The following NTRK1 variants were observed in gnomAD, a reference collection of about 807,000 sequenced individuals.
NTRK1 encodes high affinity nerve growth factor receptor.
Under a neutral mutation model 86.8 loss-of-function variants are expected in NTRK1, and 62 were observed. That is an observed-to-expected ratio of 0.71 (90% CI 0.58 to 0.88). The LOEUF (loss-of-function observed/expected upper bound fraction) is 0.88. NTRK1 is among the 40% of genes least tolerant of loss of function. The pLI, the probability that NTRK1 is intolerant of heterozygous loss-of-function variation, is 0.00. For missense variants in NTRK1, 967 were observed against 1,078.4 expected, an observed-to-expected ratio of 0.90 and a Z score of 1.45; for synonymous variants, 469 against 456.6, an observed-to-expected ratio of 1.03 and a Z score of -0.35.
chr1:156,865,383 T>C (rs189674089), intron 3 of NTRK1, among the ~76,000 whole-genome samples: 1 of 152,228 alleles, frequency 6.6e-6, no homozygotes, highest in East Asian at 1.9e-4. Context: ...AGGCATTAGT[T>C]AGATTCTCAA....
intron 1 of NTRK1, chr1:156,840,801 G>A: frequency 8.5e-7 from 1 of 1,175,464 alleles, no homozygotes. Flanking sequence ...TGAACATTCA[G>A]GCGTCTCAGC....
chr1:156,879,327 A>C lies in NTRK1; in HGVS notation c.2011A>C (p.Met671Leu), dbSNP rs376816422. The C allele has an allele frequency of 1.2e-5, 19 of 1,610,838 alleles. No individual in the cohort carries two copies. Among genetic ancestry groups the C allele is most frequent in the Admixed American group, 1.7e-5 (1 of 59,998 alleles). Reference protein sequence around the residue: ...GLVVKIGDFGMSRDIYSTDYY... With the variant: ...GLVVKIGDFGLSRDIYSTDYY... The stretch of plus-strand genomic sequence containing the variant: ...GGTGGTCAAGATTGGTGATTTTGGC[A>C]TGAGCAGGGATATCTACAGCACCGA... The change falls in exon 15 of 17, where the codon ATG (methionine) becomes CTG (leucine). Residue 671 changes from methionine (M) to leucine (L), a missense_variant. Coordinates refer to ENST00000524377, the MANE Select transcript of NTRK1 (RefSeq NM_002529.4).
chr1:156,862,853 G>A (rs1446249565), intron 1 of NTRK1, among the ~76,000 whole-genome samples: 4 of 152,092 alleles, frequency 2.6e-5, no homozygotes, highest in Non-Finnish European at 5.9e-5. Context: ...CTCCCTCGGA[G>A]TCAGTGGAGG....
At chr1:156,843,264 G>T in intron 2 of NTRK1, 1 of 1,603,626 alleles carries the variant, frequency 6.2e-7, no homozygotes, top group Non-Finnish European at 8.5e-7. Context: ...ACAAAGCGAG[G>T]ATGCTGCTCT....
At chr1:156,836,442 C>T (rs1292642679) in intron 1 of NTRK1, among the ~76,000 whole-genome samples, 2 of 152,184 alleles carry the variant, frequency 1.3e-5, no homozygotes, top group African/African-American at 2.4e-5. Flanking sequence ...TCTTGTCCTC[C>T]CTCTGACATC....
chr1:156,824,096 T>C (rs1256619271), intron 1 of NTRK1, among the ~76,000 whole-genome samples: 1 of 152,240 alleles, frequency 6.6e-6, no homozygotes, highest in African/African-American at 2.4e-5. Flanking sequence ...TGGACTTTCT[T>C]TTCTCCAGTC....
Position 156,854,735 on chromosome 1 carries a change from T to C in NTRK1, c.51-9619T>C, listed in dbSNP as rs769255777. ...GTCAACACCTTCACAGCTTCCACCA[T>C]CATCTTCCCCTGGATTGACAGTCAT... is the stretch of plus-strand genomic sequence containing the variant. On this transcript the variant is annotated intron_variant, in intron 2 of 16. Coordinates refer to the NTRK1 transcript ENST00000392302. This position sits in a 1 kb window ranked among gnomAD's most constrained non-coding sequence, Gnocchi z 4.2. Among the ~76,000 whole-genome samples the C allele has an allele frequency of 6.6e-6, 1 of 152,126 alleles. No individual in the cohort carries two copies. The highest frequency in any genetic ancestry group is 1.5e-5 in the Non-Finnish European group (1 of 68,022).
At chr1:156,837,421 GT>G (rs1308692466) in intron 1 of NTRK1, among the ~76,000 whole-genome samples, 9 of 152,248 alleles carry the variant, frequency 5.9e-5, no homozygotes, top group African/African-American at 2.2e-4. Context: ...TGCCACCCTA[GT>G]GATCACTTAC....
chr1:156,828,200 T>G, intron 1 of NTRK1, among the ~76,000 whole-genome samples: 1 of 152,192 alleles, frequency 6.6e-6, no homozygotes, highest in East Asian at 1.9e-4. Flanking sequence ...ATTTGCTTGG[T>G]TTTTAATATA....
chr1:156,844,577 C>T (rs1207399001), intron 2 of NTRK1: 33 of 1,614,040 alleles, frequency 2.0e-5, no homozygotes, highest in Non-Finnish European at 2.5e-5. Flanking sequence ...GGTGGACTCC[C>T]CCAAACTTCG....
At chr1:156,874,268 C>A (rs1647756776) in intron 8 of NTRK1, 115 bp from the exon 9 acceptor site, 4 of 1,501,302 alleles carry the variant, frequency 2.7e-6, no homozygotes, top group South Asian at 1.1e-5. Flanking sequence ...TCCATCCCCC[C>A]TCGTCCCATG....
At chr1:156,844,918 G>T in intron 2 of NTRK1, 1 of 1,591,148 alleles carries the variant, frequency 6.3e-7, no homozygotes, top group Non-Finnish European at 8.6e-7. Context: ...AGCTAAACTG[G>T]GCTGAGCTGG....
chr1:156,824,153 G>T (rs1654260722), intron 1 of NTRK1, among the ~76,000 whole-genome samples: 1 of 152,186 alleles, frequency 6.6e-6, no homozygotes, highest in Non-Finnish European at 1.5e-5. Context: ...GCCAGGCCAG[G>T]TGCCACTTCC....
At chr1:156,838,148 G>C (rs1654643078) in intron 1 of NTRK1, among the ~76,000 whole-genome samples, 1 of 151,908 alleles carries the variant, frequency 6.6e-6, no homozygotes, top group African/African-American at 2.4e-5. Context: ...TCCTCCCCCA[G>C]GCCTCTGGGC....
intron 2 of NTRK1, chr1:156,842,953 A>T (rs377391336): frequency 2.7e-5 from 38 of 1,406,922 alleles, no homozygotes; most frequent in Non-Finnish European, 3.4e-5. Flanking sequence ...TTCTTACCAC[A>T]TGACCTTTAC....
intron 1 of NTRK1, among the ~76,000 whole-genome samples, chr1:156,828,326 G>A (rs1170856510): frequency 2.0e-5 from 3 of 152,170 alleles, no homozygotes; most frequent in Non-Finnish European, 2.9e-5. Flanking sequence ...TGGTAACCGT[G>A]TCTTATTTAT....
chr1:156,860,224 G>A (rs1031982741), upstream of NTRK1, among the ~76,000 whole-genome samples: 1 of 152,172 alleles, frequency 6.6e-6, no homozygotes, highest in African/African-American at 2.4e-5. Context: ...ACCCAGCGCG[G>A]GCGGGGAGCT....
chr1:156,849,038 C>T lies in NTRK1; in HGVS notation c.50+6845C>T, dbSNP rs1211204835. 3.7e-6 allele frequency: 6 copies of T among 1,612,994 alleles called. No homozygotes were observed. The East Asian group carries it at 1.1e-4, about 30-fold the overall frequency. ...CACGTTGGACACGAAGCGCAGGGTGCGAGTCTGGCCTGGGTGGGGCGAGGG... is the reference window on the plus strand; with the variant it reads ...CACGTTGGACACGAAGCGCAGGGTGTGAGTCTGGCCTGGGTGGGGCGAGGG... On this transcript the variant is annotated intron_variant, in intron 2 of 16. Coordinates refer to the NTRK1 transcript ENST00000392302.
chr1:156,845,160 T>A (rs1434962915), intron 2 of NTRK1: 17 of 1,611,586 alleles, frequency 1.1e-5, no homozygotes, highest in Non-Finnish European at 1.4e-5. Flanking sequence ...TGGATGTCGA[T>A]CCGGTATTCC....
Sources: allele counts gnomAD v4.1 joint callset (sites outside exome capture counted in the v4.1 genomes callset), GRCh38; gene constraint gnomAD v4.1.1; non-coding constraint Gnocchi (gnomAD v3.1); transcripts MANE v1.5; gene names NCBI Gene and HGNC (gene_info 2026-07-23, HGNC 2026-07-21).